Variants in PCDH7 observed in about 807,000 individuals in gnomAD.
PCDH7 encodes protocadherin 7.
A neutral mutation model predicts 58.9 loss-of-function variants in PCDH7; 17 were observed. The observed-to-expected ratio is 0.29, with a 90% CI of 0.20 to 0.43. The LOEUF is 0.43. PCDH7 is among the 20% of genes least tolerant of loss of function. The pLI is 1.00. For synonymous variants in PCDH7, 664 were observed against 616.4 expected (o/e 1.08, Z -1.14); for missense variants, 1,274 against 1,441.0 (o/e 0.88, Z 1.88).
At chr4:31,021,317 C>T (rs1754000247) in intron 3 of PCDH7, among the ~76,000 whole-genome samples, 1 of 152,172 alleles carries the variant, frequency 6.6e-6, no homozygotes, top group East Asian at 1.9e-4. Flanking sequence ...CTAGATTCAT[C>T]ACCACACAAA....
chr4:30,997,140 A>G (rs1251539341), intron 3 of PCDH7, among the ~76,000 whole-genome samples: 1 of 151,562 alleles, frequency 6.6e-6, no homozygotes, highest in African/African-American at 2.4e-5. Flanking sequence ...TTATTTCCAC[A>G]TAGGTGATCT....
intron 3 of PCDH7, among the ~76,000 whole-genome samples, chr4:31,039,034 A>C (rs1755635559): frequency 6.6e-6 from 1 of 152,240 alleles, no homozygotes; most frequent in Non-Finnish European, 1.5e-5. Context: ...ATAAGTGCAA[A>C]GCAAATATTA....
At chr4:31,080,120 C>A (rs1385799414) in intron 3 of PCDH7, among the ~76,000 whole-genome samples, 1 of 152,062 alleles carries the variant, frequency 6.6e-6, no homozygotes, top group African/African-American at 2.4e-5. Context: ...CTAGTGCCTT[C>A]TTTAAATCTT....
chr4:31,069,807 A>T lies in PCDH7; in HGVS notation c.*8-72666A>T, dbSNP rs1395143649. On this transcript the variant is annotated intron_variant, in intron 3 of 3. Transcript: ENST00000509759. ...TTTAAGTATTAATCCATAAGATAGT[A>T]TGAGCTACTTCTTGGCTATTTTCTA... Among the ~76,000 whole-genome samples, 6 of 102,522 alleles carry T rather than the reference A, an allele frequency of 5.9e-5. No homozygotes were observed. The Admixed American group carries it at 6.9e-4, about 12-fold the overall frequency. The allele number at this position is 102,522 out of a possible 152,430, so 67.3% of individuals were successfully genotyped here.
chr4:30,949,822 C>G (rs1426605413), intron 2 of PCDH7, among the ~76,000 whole-genome samples: 1 of 151,712 alleles, frequency 6.6e-6, no homozygotes, highest in Admixed American at 6.6e-5. Context: ...AAAGTTATGC[C>G]CATATGTGAA....
intron 3 of PCDH7, among the ~76,000 whole-genome samples, chr4:31,025,483 A>G (rs1307446072): frequency 6.6e-6 from 1 of 152,176 alleles, no homozygotes; most frequent in Non-Finnish European, 1.5e-5. Context: ...ATCCCACTTA[A>G]CAAGGATTCA....
intron 3 of PCDH7, among the ~76,000 whole-genome samples, chr4:31,136,824 TC>T (rs1404110965): frequency 1.3e-5 from 2 of 152,172 alleles, no homozygotes; most frequent in African/African-American, 4.8e-5. Context: ...CACTTGTGCA[TC>T]TTTTGGATCT....
chr4:30,897,352 A>G (rs969495523), intron 1 of PCDH7, among the ~76,000 whole-genome samples: 8 of 152,192 alleles, frequency 5.3e-5, no homozygotes, highest in Non-Finnish European at 7.3e-5. Flanking sequence ...AGTAAATGCT[A>G]TGGTTTACTA....
intron 1 of PCDH7, among the ~76,000 whole-genome samples, chr4:30,829,129 T>C (rs1729469533): frequency 6.6e-6 from 1 of 151,990 alleles, no homozygotes; most frequent in Non-Finnish European, 1.5e-5. Flanking sequence ...TGCCATTCTT[T>C]TGTGTTTGGT....
At chr4:30,725,353 G>A in intron 1 of PCDH7, 1 of 905,214 alleles carries the variant, frequency 1.1e-6, no homozygotes, top group Non-Finnish European at 1.3e-6. Context: ...GCCAAGTAAT[G>A]AAAATATTCA....
At chr4:30,888,214 T>C (rs1212483456) in intron 1 of PCDH7, among the ~76,000 whole-genome samples, 1 of 152,098 alleles carries the variant, frequency 6.6e-6, no homozygotes, top group Non-Finnish European at 1.5e-5. Flanking sequence ...AATGGATCGA[T>C]CATAATTGTA....
rs922470014 is a variant in PCDH7, at chr4:30,722,021, C to G, written c.599C>G (p.Ala200Gly). The change falls in exon 1 of 2, where the codon GCG becomes GGG. Residue 200 changes from alanine (A) to glycine (G), a missense_variant. Physicochemically the swap from Ala to Gly is moderately conservative, Grantham distance 60 (BLOSUM62 0). This residue lies in a region of PCDH7 where 331 missense variants were observed against 303.2 expected (regional missense o/e 1.09). Transcript: ENST00000361762. The surrounding 1 kb of genome is among the most constrained non-coding windows in gnomAD (Gnocchi z 7.6). Reference sequence around the variant, plus strand: ...GGCGGCGAGAGCCGGCGCGCCGGGGCGGCCGACAGCGCCCCCTACCCCGGG... The same window carrying G: ...GGCGGCGAGAGCCGGCGCGCCGGGGGGGCCGACAGCGCCCCCTACCCCGGG... 8 of 1,255,546 alleles carry G rather than the reference C, an allele frequency of 6.4e-6. No homozygotes were observed. The African/African-American group carries it at 1.1e-4, about 17-fold the overall frequency. 77.8% of individuals were successfully genotyped at this position (1,255,546 alleles called of 1,614,324 possible). A position where few individuals can be genotyped will look rare whatever the true frequency, so the allele number is the denominator to read the frequency against.
chr4:30,805,511 A>G (rs1368390532), intron 1 of PCDH7, among the ~76,000 whole-genome samples: 1 of 152,246 alleles, frequency 6.6e-6, no homozygotes, highest in African/African-American at 2.4e-5. Context: ...CTTGAAACAT[A>G]TTAAGTGCTC....
At chr4:30,957,218 T>A (rs1747954443) in intron 3 of PCDH7, among the ~76,000 whole-genome samples, 1 of 152,156 alleles carries the variant, frequency 6.6e-6, no homozygotes, top group Non-Finnish European at 1.5e-5. Flanking sequence ...CCATCATTAT[T>A]TAAGCTTGCC....
Position 30,728,472 on chromosome 4 carries a change from T to C in PCDH7, c.3175-2281T>C, listed in dbSNP as rs1213438218. On this transcript the variant is annotated intron_variant, in intron 1 of 1. Transcript: ENST00000361762. ...ATAAGGCACAATGAATCTGCATATG[T>C]TGTAATTTCCGTTACATTTGGCCTG... Among the ~76,000 whole-genome samples, 3 of 151,778 alleles carry C rather than the reference T, an allele frequency of 2.0e-5. No individual in the cohort carries two copies. In the East Asian group the frequency reaches 5.8e-4, roughly 29 times the overall value.
At chr4:31,099,289 T>C (rs1469084584) in intron 3 of PCDH7, among the ~76,000 whole-genome samples, 1 of 152,164 alleles carries the variant, frequency 6.6e-6, no homozygotes, top group African/African-American at 2.4e-5. Context: ...CAATCTGCTC[T>C]CTGAGTGAAG....
intron 1 of PCDH7, among the ~76,000 whole-genome samples, chr4:30,798,457 C>T (rs889520626): frequency 1.3e-5 from 2 of 151,976 alleles, no homozygotes; most frequent in Non-Finnish European, 2.9e-5. Context: ...TTTCTAAGCA[C>T]CAATATGATG....
chr4:30,726,415 T>C (rs1021910176), intron 1 of PCDH7, among the ~76,000 whole-genome samples: 1 of 152,038 alleles, frequency 6.6e-6, no homozygotes, highest in Non-Finnish European at 1.5e-5. Flanking sequence ...AGTGACACTT[T>C]TATGGATATT....
intron 3 of PCDH7, among the ~76,000 whole-genome samples, chr4:30,959,366 C>T (rs1748169162): frequency 6.6e-6 from 1 of 151,400 alleles, no homozygotes; most frequent in Admixed American, 6.6e-5. Context: ...GAACTATTTT[C>T]TGGGCTCTCA....
Sources: gnomAD v4.1 joint callset for allele counts (sites outside exome capture counted in the v4.1 genomes callset) on GRCh38, gnomAD v4.1.1 for gene constraint, gnomAD v4.1.1 regional missense constraint, Gnocchi (gnomAD v3.1) non-coding constraint, MANE v1.5 for transcripts, NCBI Gene and HGNC (gene_info 2026-07-23, HGNC 2026-07-21) for gene names.